The following DENND2B variants were observed in gnomAD, a reference collection of about 807,000 sequenced individuals.
The protein encoded by DENND2B is DENN domain containing 2B.
DENND2B carries 32 observed loss-of-function variants against 116.0 expected under a neutral mutation model. That is an observed-to-expected ratio of 0.28 (90% CI 0.21 to 0.37). DENND2B has a LOEUF of 0.37. DENND2B is among the 10% of genes least tolerant of loss of function. DENND2B has a pLI of 1.00. For synonymous variants in DENND2B, 588 were observed against 583.9 expected (o/e 1.01, Z -0.10); for missense variants, 1,276 against 1,477.7 (o/e 0.86, Z 2.24).
intron 3 of DENND2B, among the ~76,000 whole-genome samples, chr11:8,850,175 C>T (rs1170102051): frequency 1.3e-5 from 2 of 151,986 alleles, no homozygotes; most frequent in Admixed American, 1.3e-4. Context: ...CATTAAATTA[C>T]TAAAAATTTT....
intron 1 of DENND2B, among the ~76,000 whole-genome samples, chr11:8,886,214 C>T (rs1201077083): frequency 8.5e-5 from 13 of 152,102 alleles, no homozygotes; most frequent in Admixed American, 2.0e-4. Context: ...GGATTACAGG[C>T]GTGAGCCACC....
intron 3 of DENND2B, among the ~76,000 whole-genome samples, chr11:8,854,095 G>C (rs1268980157): frequency 7.4e-6 from 1 of 134,640 alleles, no homozygotes. Flanking sequence ...TTGAAGTCCT[G>C]GCCTCAAGCA....
intron 1 of DENND2B, among the ~76,000 whole-genome samples, chr11:8,754,029 G>A (rs796673468): frequency 6.8e-4 from 94 of 138,830 alleles, no homozygotes; most frequent in African/African-American, 2.3e-3. Context: ...CCAAAAGCGC[G>A]CACACACACA....
intron 1 of DENND2B, chr11:8,774,144 C>T: frequency 2.0e-6 from 2 of 985,482 alleles, no homozygotes; most frequent in Non-Finnish European, 2.4e-6. Context: ...TGCTTTCTTT[C>T]TGGGCAGCAG....
chr11:8,747,378 G>C (rs1399827184), intron 2 of DENND2B, among the ~76,000 whole-genome samples: 1 of 152,196 alleles, frequency 6.6e-6, no homozygotes, highest in Non-Finnish European at 1.5e-5. Context: ...CTTCAGAGAA[G>C]AGCCCCTGCT....
chr11:8,819,722 G>C (rs2061694260), intron 4 of DENND2B, among the ~76,000 whole-genome samples: 1 of 152,118 alleles, frequency 6.6e-6, no homozygotes, highest in African/African-American at 2.4e-5. Flanking sequence ...TCCTGAAAAG[G>C]GCCAGGGTCA....
chr11:8,887,953 GA>G (rs2063980882), intron 1 of DENND2B, among the ~76,000 whole-genome samples: 1 of 152,064 alleles, frequency 6.6e-6, no homozygotes, highest in African/African-American at 2.4e-5. Context: ...GGGATGGGGA[GA>G]AAAAAATAAA....
At chr11:8,895,680 G>A (rs1446159457) in intron 1 of DENND2B, 1 of 152,140 alleles carries the variant, frequency 6.6e-6, no homozygotes, top group Non-Finnish European at 1.5e-5. Context: ...GGTGATAGTT[G>A]CACATTTTGA....
chr11:8,752,460 A>G (rs993429862), intron 1 of DENND2B, among the ~76,000 whole-genome samples: 2 of 151,876 alleles, frequency 1.3e-5, no homozygotes, highest in Non-Finnish European at 2.9e-5. Flanking sequence ...TCAAAAAAAA[A>G]AGAGAGAAAA....
At chr11:8,803,437 A>G (rs1242190496) in intron 1 of DENND2B, among the ~76,000 whole-genome samples, 1 of 152,204 alleles carries the variant, frequency 6.6e-6, no homozygotes, top group Admixed American at 6.5e-5. Context: ...CATGCCTTCT[A>G]CTTTCTGGAA....
At chr11:8,773,517 T>G (rs1237260022) in intron 1 of DENND2B, among the ~76,000 whole-genome samples, 1 of 152,172 alleles carries the variant, frequency 6.6e-6, no homozygotes, top group African/African-American at 2.4e-5. Flanking sequence ...CACACCTACC[T>G]GCCTTCCTAA....
At chr11:8,839,507 C>T (rs552334557) in intron 3 of DENND2B, among the ~76,000 whole-genome samples, 53 of 152,090 alleles carry the variant, frequency 3.5e-4, no homozygotes, top group Non-Finnish European at 5.6e-4. Context: ...CGGGGAGTTC[C>T]ACAGAAGAGC....
At position 8,904,307 on chromosome 11, in the gene DENND2B, C is replaced by T. The variant is rs191883097; in HGVS notation, c.-256+6514G>A. Among the ~76,000 whole-genome samples, 250 of 152,138 alleles carry T rather than the reference C, an allele frequency of 1.6e-3. 1 individual carries two copies. The highest frequency in any genetic ancestry group is 5.5e-3 in the African/African-American group (230 of 41,530). On this transcript the variant is annotated intron_variant, in intron 1 of 22. Coordinates refer to the DENND2B transcript ENST00000534127. ...ATCACATCAATGGACATACAAAAAACGTCTGAAAAACTTCAAAAATCATTC... is the reference window on the plus strand; with the variant it reads ...ATCACATCAATGGACATACAAAAAATGTCTGAAAAACTTCAAAAATCATTC...
At chr11:8,792,049 A>G (rs911825345) in intron 1 of DENND2B, among the ~76,000 whole-genome samples, 9 of 152,060 alleles carry the variant, frequency 5.9e-5, no homozygotes, top group African/African-American at 2.2e-4. Context: ...CTACAAAAAT[A>G]CAAAAATTAG....
chr11:8,714,166 A>C, intron 7 of DENND2B, 124 bp from the exon 8 acceptor site: 1 of 982,240 alleles, frequency 1.0e-6, no homozygotes, highest in Non-Finnish European at 1.6e-6. Context: ...CTCTGGGCCC[A>C]TGGTCAGGCA....
chr11:8,698,791 G>T, intron 16 of DENND2B, 142 bp downstream of exon 16: 1 of 987,460 alleles, frequency 1.0e-6, no homozygotes, highest in Non-Finnish European at 1.6e-6. Flanking sequence ...TCCAAGACCA[G>T]CTTCTCCCCA....
At chr11:8,722,080 G>A (rs576692226) in intron 4 of DENND2B, among the ~76,000 whole-genome samples, 6 of 152,358 alleles carry the variant, frequency 3.9e-5, no homozygotes, top group Admixed American at 3.3e-4. Flanking sequence ...GGGACAGGCG[G>A]GAAATAGCAG....
chr11:8,711,291 A>G, intron 9 of DENND2B, 60 bp from the exon 10 acceptor site: 1 of 1,490,276 alleles, frequency 6.7e-7, no homozygotes, highest in Non-Finnish European at 9.3e-7. Context: ...GTGGTGGCTG[A>G]GAAGCCCCTC....
chr11:8,821,057 T>C (rs951928172), intron 4 of DENND2B, among the ~76,000 whole-genome samples: 2 of 151,542 alleles, frequency 1.3e-5, no homozygotes. Flanking sequence ...GAGGCAGAGG[T>C]TGCAGTGAGC....
Sources: allele counts gnomAD v4.1 joint callset (sites outside exome capture counted in the v4.1 genomes callset), GRCh38; gene constraint gnomAD v4.1.1; transcripts MANE v1.5; gene names NCBI Gene and HGNC (gene_info 2026-07-23, HGNC 2026-07-21).